RGL1: variants seen among roughly 807,000 people sequenced by gnomAD.
RGL1 encodes ral guanine nucleotide dissociation stimulator-like 1.
Under a neutral mutation model 95.2 loss-of-function variants are expected in RGL1, and 24 were observed. That is an observed-to-expected ratio of 0.25 (90% CI 0.18 to 0.35). The LOEUF (loss-of-function observed/expected upper bound fraction) is 0.35, where lower values mean the gene tolerates loss of function less well. Ranked by LOEUF, RGL1 falls within the 10% of genes least tolerant of loss-of-function variation. The pLI is 1.00. For synonymous variants in RGL1, 329 were observed against 344.9 expected (o/e 0.95, Z 0.51); for missense variants, 715 against 936.3 (o/e 0.76, Z 3.08).
chr1:183,776,355 A>C (rs947669455), intron 2 of RGL1, among the ~76,000 whole-genome samples: 4 of 151,578 alleles, frequency 2.6e-5, no homozygotes, highest in Non-Finnish European at 4.4e-5. Context: ...TCACCGTGTT[A>C]GCCAGGATGG....
intron 9 of RGL1, 29 bp from the exon 10 acceptor site, chr1:183,897,779 T>C: frequency 6.5e-7 from 1 of 1,543,192 alleles, no homozygotes; most frequent in Non-Finnish European, 9.0e-7. Flanking sequence ...CCTGTATCAA[T>C]TCCCTCTGTG....
At position 183,657,813 on chromosome 1, in the gene RGL1, G is replaced by A. The variant is rs956016432; in HGVS notation, c.-33+21312G>A. On this transcript the variant is annotated intron_variant, in intron 1 of 18. Transcript: ENST00000304685. ...TCCTTTGGGTATATACCCAGTAATG[G>A]GATGGCTGGGTCAAATGGTATTTCT... Among the ~76,000 whole-genome samples, 18 of 151,830 alleles carry A rather than the reference G, an allele frequency of 1.2e-4. 1 individual carries two copies. Among genetic ancestry groups the A allele is most frequent in the African/African-American group, 3.4e-4 (14 of 41,226 alleles).
chr1:183,751,286 G>C (rs1420263535), intron 2 of RGL1, among the ~76,000 whole-genome samples: 1 of 152,250 alleles, frequency 6.6e-6, no homozygotes, highest in Non-Finnish European at 1.5e-5. Flanking sequence ...TGGAGAGGCA[G>C]TCTGGCTACA....
At chr1:183,719,193 C>G (rs1043549631) in intron 1 of RGL1, among the ~76,000 whole-genome samples, 2 of 152,214 alleles carry the variant, frequency 1.3e-5, no homozygotes, top group African/African-American at 4.8e-5. Flanking sequence ...GCAAACTACA[C>G]TATTCATTTC....
intron 1 of RGL1, among the ~76,000 whole-genome samples, chr1:183,806,029 C>CTTTTTTTTTTTTTTTTTTTTTT (rs1553286350): frequency 1.5e-5 from 1 of 67,348 alleles, no homozygotes; most frequent in Non-Finnish European, 2.9e-5. Context: ...ATTATTTTTC[C>CTTTTTTTTTTTTTTTTTTTTTT]TTTCACTTAA....
chr1:183,843,388 A>G (rs1664194919), intron 2 of RGL1, among the ~76,000 whole-genome samples: 1 of 152,246 alleles, frequency 6.6e-6, no homozygotes, highest in African/African-American at 2.4e-5. Flanking sequence ...ATGTATGCAT[A>G]TTGAAATTTT....
intron 1 of RGL1, among the ~76,000 whole-genome samples, chr1:183,702,808 G>A (rs139747598): frequency 2.0e-5 from 3 of 152,276 alleles, no homozygotes; most frequent in East Asian, 1.9e-4. Context: ...CCCTGAAAGC[G>A]CACCAACGAA....
intron 2 of RGL1, among the ~76,000 whole-genome samples, chr1:183,757,178 G>C (rs1432732563): frequency 6.6e-6 from 1 of 152,172 alleles, no homozygotes; most frequent in Non-Finnish European, 1.5e-5. Context: ...TTAAACTGGC[G>C]AATGTCTGTA....
chr1:183,826,575 T>C (rs567963024), intron 2 of RGL1, among the ~76,000 whole-genome samples: 1 of 152,268 alleles, frequency 6.6e-6, no homozygotes, highest in Admixed American at 6.5e-5. Context: ...AAGATGATGA[T>C]GAAATACCAG....
intron 1 of RGL1, among the ~76,000 whole-genome samples, chr1:183,737,687 A>C (rs1231032334): frequency 1.3e-5 from 2 of 152,018 alleles, no homozygotes; most frequent in African/African-American, 4.8e-5. Flanking sequence ...CCCTGTTTTA[A>C]TTTTATTTCT....
intron 11 of RGL1, among the ~76,000 whole-genome samples, chr1:183,901,422 G>A (rs1668017965): frequency 6.6e-6 from 1 of 152,180 alleles, no homozygotes; most frequent in Non-Finnish European, 1.5e-5. Flanking sequence ...GGGAGGCAGA[G>A]GTTGCAGTGA....
intron 14 of RGL1, among the ~76,000 whole-genome samples, chr1:183,907,738 G>A (rs1422622412): frequency 6.6e-6 from 1 of 152,192 alleles, no homozygotes; most frequent in Non-Finnish European, 1.5e-5. Flanking sequence ...CCTGAGAACA[G>A]GAACCTTGTC....
intron 1 of RGL1, among the ~76,000 whole-genome samples, chr1:183,741,567 G>A (rs139291335): frequency 3.2e-4 from 48 of 152,304 alleles, no homozygotes; most frequent in East Asian, 2.7e-3. Flanking sequence ...CAGACACTAC[G>A]TTGTAATACA....
At chr1:183,912,027 T>C in intron 14 of RGL1, 55 bp from the exon 15 acceptor site, 1 of 1,511,636 alleles carries the variant, frequency 6.6e-7, no homozygotes, top group Non-Finnish European at 9.1e-7. Context: ...ATTTGCCTAA[T>C]CATGGATTCC....
chr1:183,676,724 T>G (rs1652850196), intron 1 of RGL1, among the ~76,000 whole-genome samples: 1 of 141,952 alleles, frequency 7.0e-6, no homozygotes, highest in African/African-American at 2.6e-5. Context: ...CTCATAGTGA[T>G]GAAATACACA....
At chr1:183,878,920 G>A (rs545869199) in intron 4 of RGL1, among the ~76,000 whole-genome samples, 2 of 152,184 alleles carry the variant, frequency 1.3e-5, no homozygotes, top group Non-Finnish European at 2.9e-5. Context: ...CATTAAGCAA[G>A]TATAGTGGTG....
chr1:183,904,286 A>G (rs1668192541), intron 12 of RGL1, among the ~76,000 whole-genome samples: 1 of 152,168 alleles, frequency 6.6e-6, no homozygotes, highest in African/African-American at 2.4e-5. Context: ...TAAAAACCCA[A>G]GGATTCAGGA....
In RGL1 at chr1:183,927,437, TTTAC is replaced by T. The variant is rs1669677389; in HGVS notation, c.*1152_*1155del. 6.6e-6 allele frequency: 1 copy of T among 152,306 alleles called. No homozygotes were observed. The highest frequency in any genetic ancestry group is 2.4e-5 in the African/African-American group (1 of 41,438). 9.4% of individuals were successfully genotyped at this position (152,306 alleles called of 1,614,324 possible). ...TTCCCTGCTGATAACAGCATCCTAT[TTTAC>T]TTACTTTTATAGCATTACTGTGCCT... is the stretch of plus-strand genomic sequence containing the variant. On this transcript the variant is annotated 3_prime_UTR_variant, in exon 18 of 18. Transcript: ENST00000360851.
In RGL1 at chr1:183,648,268, C is replaced by T. The variant is rs141963987; in HGVS notation, c.-33+11767C>T. The T allele has an allele frequency of 1.8e-4, 292 of 1,614,014 alleles. No individual in the cohort carries two copies. Among genetic ancestry groups the T allele is most frequent in the Non-Finnish European group, 2.4e-4 (281 of 1,180,034 alleles). On this transcript the variant is annotated intron_variant, in intron 1 of 18. Coordinates refer to the RGL1 transcript ENST00000304685. ...AAGCTGGCCAGGCTCCGGAGAGCTT[C>T]GCGGTTCCATGCTGAGGCAGGAAAG...
Sources: allele counts gnomAD v4.1 joint callset (sites outside exome capture counted in the v4.1 genomes callset), GRCh38; gene constraint gnomAD v4.1.1; transcripts MANE v1.5; gene names NCBI Gene and HGNC (gene_info 2026-07-23, HGNC 2026-07-21).